The following IKZF3 variants were observed in gnomAD, a reference collection of about 807,000 sequenced individuals.
IKZF3 encodes the protein zinc finger protein Aiolos.
IKZF3 carries 10 observed loss-of-function variants against 49.0 expected under a neutral mutation model. The observed-to-expected ratio is 0.20, with a 90% CI of 0.13 to 0.35. The LOEUF is 0.35. Ranked by LOEUF, IKZF3 falls within the 10% of genes least tolerant of loss-of-function variation. IKZF3 has a pLI of 1.00. For synonymous variants in IKZF3, 209 were observed against 228.2 expected (o/e 0.92, Z 0.76); for missense variants, 498 against 664.8 (o/e 0.75, Z 2.76).
At chr17:39,801,101 C>G (rs773632695) in intron 3 of IKZF3, among the ~76,000 whole-genome samples, 2 of 151,928 alleles carry the variant, frequency 1.3e-5, no homozygotes, top group Non-Finnish European at 2.9e-5. Context: ...TCAGGTCTGC[C>G]GGAGATATTG....
intron 3 of IKZF3, among the ~76,000 whole-genome samples, chr17:39,802,278 T>G (rs2061338877): frequency 6.8e-6 from 1 of 146,486 alleles, no homozygotes; most frequent in Non-Finnish European, 1.5e-5. Flanking sequence ...TCAATACAGG[T>G]TTGGATAAAA....
chr17:39,833,160 C>G (rs1465202908), intron 1 of IKZF3, among the ~76,000 whole-genome samples: 1 of 152,108 alleles, frequency 6.6e-6, no homozygotes, highest in Non-Finnish European at 1.5e-5. Flanking sequence ...GCTTTTTCAA[C>G]GCATTGCAAA....
intron 7 of IKZF3, among the ~76,000 whole-genome samples, chr17:39,767,551 A>T (rs1429753934): frequency 6.6e-6 from 1 of 152,128 alleles, no homozygotes; most frequent in Admixed American, 6.5e-5. Context: ...GGGATTTGCT[A>T]AACCATATCC....
chr17:39,777,626 G>T (rs767900730), intron 7 of IKZF3, 25 bp downstream of exon 7: 11 of 1,508,492 alleles, frequency 7.3e-6, no homozygotes, highest in Middle Eastern at 1.7e-4. Context: ...GCTAACAACA[G>T]CAGGAAAAAG....
chr17:39,773,538 T>G (rs1229461163), intron 7 of IKZF3, among the ~76,000 whole-genome samples: 1 of 152,252 alleles, frequency 6.6e-6, no homozygotes, highest in African/African-American at 2.4e-5. Flanking sequence ...ATTAACATGT[T>G]TACCACAGGT....
chr17:39,785,765 C>T (rs112345383), intron 6 of IKZF3, among the ~76,000 whole-genome samples: 3,638 of 152,028 alleles, frequency 0.024, 62 homozygotes, highest in Non-Finnish European at 0.037. Context: ...AGAAATATAG[C>T]TAATCAAGCC....
intron 3 of IKZF3, among the ~76,000 whole-genome samples, chr17:39,822,767 A>C (rs1408301259): frequency 6.6e-6 from 1 of 151,978 alleles, no homozygotes; most frequent in Non-Finnish European, 1.5e-5. Context: ...TATTTTTAGT[A>C]GAGACAGGGT....
At chr17:39,829,136 T>C (rs1445193801) in intron 3 of IKZF3, among the ~76,000 whole-genome samples, 3 of 152,202 alleles carry the variant, frequency 2.0e-5, no homozygotes, top group Non-Finnish European at 2.9e-5. Context: ...ACTTTTATAA[T>C]GGAAAATAGT....
At chr17:39,820,899 C>G (rs1454111737) in intron 3 of IKZF3, among the ~76,000 whole-genome samples, 1 of 152,118 alleles carries the variant, frequency 6.6e-6, no homozygotes, top group Non-Finnish European at 1.5e-5. Context: ...TCTTGAACAA[C>G]AAGATTCAGA....
At chr17:39,811,174 C>T (rs1379923281) in intron 3 of IKZF3, among the ~76,000 whole-genome samples, 3 of 149,416 alleles carry the variant, frequency 2.0e-5, no homozygotes, top group East Asian at 2.0e-4. Context: ...GAGGTCAAGG[C>T]TACAGTGAAC....
intron 3 of IKZF3, among the ~76,000 whole-genome samples, chr17:39,799,814 G>A (rs1045879572): frequency 6.6e-6 from 1 of 152,100 alleles, no homozygotes; most frequent in Non-Finnish European, 1.5e-5. Context: ...CTTCCATGAA[G>A]TCTTCCTTGA....
At chr17:39,837,782 G>GC (rs1017400432) in intron 1 of IKZF3, among the ~76,000 whole-genome samples, 2 of 151,862 alleles carry the variant, frequency 1.3e-5, no homozygotes, top group Non-Finnish European at 2.9e-5. Context: ...GGGACTACAG[G>GC]CGCCCACCAC....
At chr17:39,845,072 TG>T (rs1173147158) in intron 1 of IKZF3, among the ~76,000 whole-genome samples, 1 of 152,224 alleles carries the variant, frequency 6.6e-6, no homozygotes, top group Non-Finnish European at 1.5e-5. Context: ...TTGATCCCTA[TG>T]AACGCACTAG....
chr17:39,824,349 A>T (rs1298877279), intron 3 of IKZF3, among the ~76,000 whole-genome samples: 1 of 152,042 alleles, frequency 6.6e-6, no homozygotes, highest in Non-Finnish European at 1.5e-5. Context: ...CTTGCTTTTG[A>T]TTTTACAGAC....
chr17:39,829,857 C>A (rs1030942732), intron 2 of IKZF3, among the ~76,000 whole-genome samples: 4 of 152,064 alleles, frequency 2.6e-5, no homozygotes, highest in African/African-American at 9.7e-5. Flanking sequence ...GAGGCTGAGG[C>A]AGGAGAATCA....
At chr17:39,824,498 G>C (rs895342364) in intron 3 of IKZF3, among the ~76,000 whole-genome samples, 3 of 152,118 alleles carry the variant, frequency 2.0e-5, no homozygotes, top group African/African-American at 7.2e-5. Context: ...CATGCGATTT[G>C]AATGGGGGCC....
intron 3 of IKZF3, among the ~76,000 whole-genome samples, chr17:39,813,827 AT>A (rs754175658): frequency 8.3e-4 from 127 of 152,296 alleles, no homozygotes; most frequent in Non-Finnish European, 1.6e-3. Context: ...ACAGGTCTTG[AT>A]CTGGGCTTGA....
chr17:39,789,496 G>A (rs139023674), intron 5 of IKZF3, among the ~76,000 whole-genome samples: 2 of 152,270 alleles, frequency 1.3e-5, no homozygotes, highest in South Asian at 2.1e-4. Context: ...CTGGGAGGTG[G>A]AGGTTGCAGT....
intron 6 of IKZF3, among the ~76,000 whole-genome samples, chr17:39,782,817 C>T (rs1212851578): frequency 6.6e-6 from 1 of 152,146 alleles, no homozygotes; most frequent in African/African-American, 2.4e-5. Context: ...ATGAGTAGAA[C>T]TGTCATTGTG....
Sources: allele counts gnomAD v4.1 joint callset (sites outside exome capture counted in the v4.1 genomes callset), GRCh38; gene constraint gnomAD v4.1.1; transcripts MANE v1.5; gene names NCBI Gene and HGNC (gene_info 2026-07-23, HGNC 2026-07-21).